The following RMDN2 variants were observed in gnomAD, a reference collection of about 807,000 sequenced individuals.
RMDN2 encodes regulator of microtubule dynamics 2, also known as regulator of microtubule dynamics protein 2.
RMDN2 carries 61 observed loss-of-function variants against 52.8 expected under a neutral mutation model. The observed-to-expected ratio is 1.16, with a 90% CI of 0.94 to 1.43. The LOEUF (loss-of-function observed/expected upper bound fraction) is 1.43. RMDN2 is among the 40% of genes most tolerant of loss of function. RMDN2 has a pLI of 0.00. For synonymous variants in RMDN2, 180 were observed against 153.1 expected (o/e 1.18, Z -1.30); for missense variants, 592 against 475.3 (o/e 1.25, Z -2.28).
chr2:38,038,222 C>T (rs1156875589), intron 10 of RMDN2, among the ~76,000 whole-genome samples: 4 of 152,180 alleles, frequency 2.6e-5, no homozygotes, highest in Admixed American at 1.3e-4. Flanking sequence ...TAGACTTAGA[C>T]GCAGCGTCCT....
intron 10 of RMDN2, among the ~76,000 whole-genome samples, chr2:38,024,681 G>C (rs1679646144): frequency 6.6e-6 from 1 of 152,020 alleles, no homozygotes; most frequent in South Asian, 2.1e-4. Context: ...TTTGTTATAA[G>C]TTATTTGGAT....
intron 10 of RMDN2, among the ~76,000 whole-genome samples, chr2:38,016,450 C>A (rs529308176): frequency 6.6e-6 from 1 of 152,342 alleles, no homozygotes; most frequent in South Asian, 2.1e-4. Context: ...TGTCTGTAGT[C>A]AGTGTGGAAA....
chr2:37,932,661 T>A (rs1315910530), intron 2 of RMDN2, among the ~76,000 whole-genome samples: 1 of 144,334 alleles, frequency 6.9e-6, no homozygotes, highest in East Asian at 2.1e-4. Flanking sequence ...GCCCCTCACC[T>A]CACGGGGCGG....
chr2:37,961,876 G>A (rs1184330269), intron 2 of RMDN2, among the ~76,000 whole-genome samples: 4 of 152,128 alleles, frequency 2.6e-5, no homozygotes, highest in Admixed American at 6.5e-5. Flanking sequence ...TGGGTTTTGC[G>A]TGGGCGTCCT....
In RMDN2 at chr2:37,962,659, C is replaced by G. The variant is rs116431936; in HGVS notation, c.453-11381C>G. Among the ~76,000 whole-genome samples, 1,480 of 152,244 alleles carry G rather than the reference C, an allele frequency of 9.7e-3. 25 individuals carry two copies. Among genetic ancestry groups the G allele is most frequent in the African/African-American group, 0.034 (1,394 of 41,536 alleles). On this transcript the variant is annotated intron_variant, in intron 2 of 10. Coordinates refer to ENST00000354545, the MANE Select transcript of RMDN2 (RefSeq NM_001170791.3). ...GGGTGGGATCCCCTGAGCAACAACA[C>G]CTGACTCCCTGGCTTTTGCCTCCTT...
intron 5 of RMDN2, among the ~76,000 whole-genome samples, chr2:37,987,890 C>G (rs1022555233): frequency 2.0e-5 from 3 of 149,158 alleles, no homozygotes; most frequent in African/African-American, 7.5e-5. Flanking sequence ...GAAATCCCAT[C>G]TCTACTAAAA....
At chr2:37,963,825 G>A (rs1265258295) in intron 2 of RMDN2, among the ~76,000 whole-genome samples, 3 of 152,134 alleles carry the variant, frequency 2.0e-5, no homozygotes, top group Non-Finnish European at 2.9e-5. Context: ...TCAATGAGCT[G>A]TTGGGTACAC....
intron 2 of RMDN2, among the ~76,000 whole-genome samples, chr2:37,941,100 G>A (rs542294918): frequency 1.3e-5 from 2 of 152,328 alleles, no homozygotes; most frequent in East Asian, 3.9e-4. Flanking sequence ...TTTTCTTGAT[G>A]TTGATGCTGT....
chr2:38,030,243 T>C (rs1055600292), intron 10 of RMDN2: 6 of 152,226 alleles, frequency 3.9e-5, no homozygotes, highest in African/African-American at 2.4e-5. Flanking sequence ...TTCTACTTTA[T>C]TTTTTACTGT....
At chr2:38,045,121 AT>A (rs1386030920) in intron 10 of RMDN2, among the ~76,000 whole-genome samples, 1 of 152,188 alleles carries the variant, frequency 6.6e-6, no homozygotes, top group Non-Finnish European at 1.5e-5. Context: ...AAAGATCCCA[AT>A]GTGTATCTAA....
intron 2 of RMDN2, among the ~76,000 whole-genome samples, chr2:37,956,837 G>T (rs187749047): frequency 1.9e-3 from 296 of 151,798 alleles, no homozygotes; most frequent in African/African-American, 6.5e-3. Context: ...CACAGTGTGT[G>T]ATGTTCCCCT....
intron 2 of RMDN2, among the ~76,000 whole-genome samples, chr2:37,948,097 T>G (rs1479509666): frequency 6.6e-6 from 1 of 152,188 alleles, no homozygotes; most frequent in African/African-American, 2.4e-5. Flanking sequence ...CTACTCAAAT[T>G]GTGGTCTGTG....
chr2:37,973,837 T>A (rs561092041), intron 2 of RMDN2, among the ~76,000 whole-genome samples: 1 of 152,090 alleles, frequency 6.6e-6, no homozygotes, highest in Non-Finnish European at 1.5e-5. Context: ...GGAAATGAGA[T>A]CAAAGAGGTA....
chr2:37,971,927 T>G (rs1671862567), intron 2 of RMDN2, among the ~76,000 whole-genome samples: 1 of 152,210 alleles, frequency 6.6e-6, no homozygotes, highest in South Asian at 2.1e-4. Flanking sequence ...AATCTATAGA[T>G]TAACCTGGAA....
chr2:37,979,634 TTAAG>T (rs1275685024), intron 4 of RMDN2, among the ~76,000 whole-genome samples: 3 of 152,188 alleles, frequency 2.0e-5, no homozygotes, highest in African/African-American at 2.4e-5. Context: ...ACTTTCCTAA[TTAAG>T]TAATCGATAT....
chr2:37,980,929 G>A (rs556025277), intron 4 of RMDN2, among the ~76,000 whole-genome samples: 29 of 152,218 alleles, frequency 1.9e-4, no homozygotes, highest in Non-Finnish European at 4.1e-4. Flanking sequence ...CACATAGTAG[G>A]TACTCAGTAA....
At chr2:38,006,217 T>C (rs1362664591) in intron 10 of RMDN2, among the ~76,000 whole-genome samples, 2 of 152,186 alleles carry the variant, frequency 1.3e-5, no homozygotes, top group Admixed American at 1.3e-4. Context: ...AACTTTAAGG[T>C]AGTTTTTTCC....
intron 2 of RMDN2, among the ~76,000 whole-genome samples, chr2:37,960,782 T>C (rs1220596189): frequency 1.3e-5 from 2 of 152,222 alleles, no homozygotes; most frequent in Non-Finnish European, 2.9e-5. Flanking sequence ...TTTTTCATAG[T>C]GACATTGGTC....
At chr2:37,952,564 G>A in intron 2 of RMDN2, 1 of 345,078 alleles carries the variant, frequency 2.9e-6, no homozygotes, top group Non-Finnish European at 5.2e-6. Flanking sequence ...TTCTTTGAGA[G>A]TTTAGTATCC....
Sources: allele counts gnomAD v4.1 joint callset (sites outside exome capture counted in the v4.1 genomes callset), GRCh38; gene constraint gnomAD v4.1.1; transcripts MANE v1.5; gene names NCBI Gene and HGNC (gene_info 2026-07-23, HGNC 2026-07-21).